KLHL1: variants seen among roughly 807,000 people sequenced by gnomAD.
The protein encoded by KLHL1 is kelch-like protein 1.
Under a neutral mutation model 77.7 loss-of-function variants are expected in KLHL1, and 47 were observed. That is an observed-to-expected ratio of 0.60 (90% CI 0.48 to 0.77). KLHL1 has a LOEUF of 0.77. KLHL1 is among the 30% of genes least tolerant of loss of function. The pLI is 0.00. For missense variants in KLHL1, 925 were observed against 910.8 expected (o/e 1.02, Z -0.20); for synonymous variants, 360 against 325.2 (o/e 1.11, Z -1.15).
rs754317021 is a variant in KLHL1 at position 70,107,749 on chromosome 13, G to T, written c.-50C>A. 2 of 1,397,484 alleles carry T rather than the reference G, an allele frequency of 1.4e-6. No homozygotes were observed. Among genetic ancestry groups the T allele is most frequent in the Non-Finnish European group, 1.9e-6 (2 of 1,051,778 alleles). The allele number at this position is 1,397,484 out of a possible 1,614,324, so 86.6% of individuals were successfully genotyped here. A position where few individuals can be genotyped will look rare whatever the true frequency, so the allele number is the denominator to read the frequency against. On this transcript the variant is annotated 5_prime_UTR_variant, in exon 1 of 11. Coordinates refer to ENST00000377844, the MANE Select transcript of KLHL1 (RefSeq NM_020866.3). ...CTGGCAGCTCACGCAGGAGTAGGCTGGTCAGCAGGTGGGGGAGGACAGCGG... is the reference window on the plus strand; with the variant it reads ...CTGGCAGCTCACGCAGGAGTAGGCTTGTCAGCAGGTGGGGGAGGACAGCGG...
At chr13:69,787,946 A>T (rs1462153599) in intron 7 of KLHL1, among the ~76,000 whole-genome samples, 1,792 of 152,328 alleles carry the variant, frequency 0.012, 2 homozygotes, top group African/African-American at 0.039. Context: ...GCAAATCAAA[A>T]CCACAATGAG....
Position 69,756,384 on chromosome 13 carries a change from A to G in KLHL1, c.1640-15828T>C, listed in dbSNP as rs112456063. Reference sequence around the variant, plus strand: ...TGACTAAAATGAATTTCTGATCAATATTTTATTGATTCTTTAAATTCTTTA... The same window carrying G: ...TGACTAAAATGAATTTCTGATCAATGTTTTATTGATTCTTTAAATTCTTTA... On this transcript the variant is annotated intron_variant, in intron 7 of 10. Transcript: ENST00000377844. Among the ~76,000 whole-genome samples the G allele has an allele frequency of 1.2e-3, 189 of 152,290 alleles. 1 individual carries two copies. The highest frequency in any genetic ancestry group is 4.5e-3 in the African/African-American group (186 of 41,584).
At chr13:69,926,042 T>A (rs1407398382) in intron 4 of KLHL1, among the ~76,000 whole-genome samples, 1 of 152,228 alleles carries the variant, frequency 6.6e-6, no homozygotes, top group Non-Finnish European at 1.5e-5. Flanking sequence ...ATATAGCAAG[T>A]TCATTCTCTT....
intron 1 of KLHL1, among the ~76,000 whole-genome samples, chr13:70,019,184 G>T (rs533790270): frequency 6.6e-6 from 1 of 152,274 alleles, no homozygotes; most frequent in South Asian, 2.1e-4. Flanking sequence ...ATTCAGGAAA[G>T]GTTGTCTCTG....
chr13:70,074,454 A>G (rs1887213043), intron 1 of KLHL1, among the ~76,000 whole-genome samples: 1 of 152,000 alleles, frequency 6.6e-6, no homozygotes, highest in African/African-American at 2.4e-5. Context: ...CCACCCCCAC[A>G]TCTACCTCAT....
intron 8 of KLHL1, among the ~76,000 whole-genome samples, chr13:69,739,081 G>A (rs1873879461): frequency 6.6e-6 from 1 of 152,136 alleles, no homozygotes; most frequent in South Asian, 2.1e-4. Context: ...AACCAGAAGA[G>A]ACTGGGGGTC....
At chr13:69,790,783 C>G (rs1270403529) in intron 7 of KLHL1, among the ~76,000 whole-genome samples, 1 of 152,076 alleles carries the variant, frequency 6.6e-6, no homozygotes, top group East Asian at 1.9e-4. Flanking sequence ...GGCAAGGTGG[C>G]TCACGCTTGT....
intron 7 of KLHL1, among the ~76,000 whole-genome samples, chr13:69,789,355 TATTAC>T (rs1403192367): frequency 1.3e-5 from 2 of 151,884 alleles, no homozygotes; most frequent in African/African-American, 4.8e-5. Flanking sequence ...ATCAAAATAT[TATTAC>T]ATTATTATTT....
At chr13:70,095,705 A>C (rs1241701076) in intron 1 of KLHL1, among the ~76,000 whole-genome samples, 1 of 152,100 alleles carries the variant, frequency 6.6e-6, no homozygotes, top group East Asian at 1.9e-4. Context: ...CCACTCTTTT[A>C]GTTATTTTGA....
intron 1 of KLHL1, among the ~76,000 whole-genome samples, chr13:70,046,034 C>G (rs1886487585): frequency 6.6e-6 from 1 of 152,134 alleles, no homozygotes; most frequent in African/African-American, 2.4e-5. Context: ...CTCTCTTTCT[C>G]TAAAATGCGA....
At chr13:70,104,704 A>C (rs1162104738) in intron 1 of KLHL1, among the ~76,000 whole-genome samples, 6 of 152,156 alleles carry the variant, frequency 3.9e-5, no homozygotes, top group Non-Finnish European at 8.8e-5. Context: ...TAATGACCTA[A>C]GTGATAAAAA....
intron 1 of KLHL1, among the ~76,000 whole-genome samples, chr13:70,043,731 C>G (rs1886431657): frequency 6.6e-6 from 1 of 152,178 alleles, no homozygotes; most frequent in African/African-American, 2.4e-5. Context: ...TACCATGTAG[C>G]CTACATGTGT....
chr13:69,742,733 G>T (rs2137933125), intron 7 of KLHL1, among the ~76,000 whole-genome samples: 1 of 152,250 alleles, frequency 6.6e-6, no homozygotes, highest in Non-Finnish European at 1.5e-5. Flanking sequence ...ATTCAACTTA[G>T]GGATGTTATT....
intron 5 of KLHL1, 81 bp downstream of exon 5, chr13:69,882,202 A>T: frequency 1.1e-6 from 1 of 944,494 alleles, no homozygotes; most frequent in Non-Finnish European, 1.7e-6. Context: ...ATACCTAATT[A>T]AAAATGTGTT....
intron 8 of KLHL1, among the ~76,000 whole-genome samples, chr13:69,723,858 T>TTTG: frequency 1.3e-5 from 2 of 151,746 alleles, no homozygotes; most frequent in Non-Finnish European, 2.9e-5. Context: ...TTTTTTTTTT[T>TTTG]CTGAGACGGA....
At chr13:69,730,935 C>T (rs1873517689) in intron 8 of KLHL1, among the ~76,000 whole-genome samples, 1 of 151,872 alleles carries the variant, frequency 6.6e-6, no homozygotes, top group Non-Finnish European at 1.5e-5. Context: ...ATAGATATAC[C>T]CACTGGATAG....
At chr13:69,908,351 G>C (rs1196948884) in intron 4 of KLHL1, among the ~76,000 whole-genome samples, 1 of 151,728 alleles carries the variant, frequency 6.6e-6, no homozygotes, top group East Asian at 1.9e-4. Flanking sequence ...TCACTTACTA[G>C]AGTAATTTAT....
chr13:70,047,414 T>C (rs1593701336), intron 1 of KLHL1, among the ~76,000 whole-genome samples: 2 of 152,092 alleles, frequency 1.3e-5, no homozygotes, highest in African/African-American at 4.8e-5. Flanking sequence ...TGTGTGTGTG[T>C]GTGTGTATAA....
At chr13:70,052,469 T>C (rs1023471717) in intron 1 of KLHL1, among the ~76,000 whole-genome samples, 1 of 151,926 alleles carries the variant, frequency 6.6e-6, no homozygotes, top group Non-Finnish European at 1.5e-5. Flanking sequence ...AAAACCCTTA[T>C]ATATTTTATC....
Sources: gnomAD v4.1 joint callset for allele counts (sites outside exome capture counted in the v4.1 genomes callset) on GRCh38, gnomAD v4.1.1 for gene constraint, MANE v1.5 for transcripts, NCBI Gene and HGNC (gene_info 2026-07-23, HGNC 2026-07-21) for gene names.